The following CSMD1 variants were observed in gnomAD, a reference collection of about 807,000 sequenced individuals.
CSMD1 encodes CUB and Sushi multiple domains 1, also known as CUB and sushi domain-containing protein 1.
In CSMD1, 213 loss-of-function variants were observed where a neutral mutation model predicts 417.5. The observed-to-expected ratio is 0.51, with a 90% CI of 0.46 to 0.57. The LOEUF is 0.57. Among genes scored for constraint, CSMD1 ranks in the 20% least tolerant of loss-of-function variants. CSMD1 has a pLI of 0.00. For synonymous variants in CSMD1, 2,862 were observed against 1,736.8 expected (o/e 1.65, Z -16.11); for missense variants, 6,923 against 4,529.7 (o/e 1.53, Z -15.17).
chr8:3,912,484 C>A (rs1231783687), intron 5 of CSMD1, among the ~76,000 whole-genome samples: 1 of 152,098 alleles, frequency 6.6e-6, no homozygotes, highest in African/African-American at 2.4e-5. Context: ...TGCTCCTAGA[C>A]CCTCAAGTGA....
intron 5 of CSMD1, among the ~76,000 whole-genome samples, chr8:3,808,506 C>G (rs1315761967): frequency 6.6e-6 from 1 of 152,152 alleles, no homozygotes; most frequent in Non-Finnish European, 1.5e-5. Context: ...TGAAGAAAGA[C>G]TAAGAGCATG....
At chr8:3,090,036 G>A (rs1390375182) in intron 48 of CSMD1, among the ~76,000 whole-genome samples, 2 of 152,050 alleles carry the variant, frequency 1.3e-5, no homozygotes, top group South Asian at 2.1e-4. Context: ...ACTATCGGCC[G>A]GGCGCGGTGG....
At chr8:3,309,025 C>G (rs930858428) in intron 23 of CSMD1, among the ~76,000 whole-genome samples, 10 of 152,078 alleles carry the variant, frequency 6.6e-5, no homozygotes, top group African/African-American at 2.2e-4. Context: ...CGCCCGGCCC[C>G]TCAAGCTCTT....
intron 2 of CSMD1, among the ~76,000 whole-genome samples, chr8:4,451,633 A>G (rs1343584477): frequency 6.6e-6 from 1 of 152,200 alleles, no homozygotes; most frequent in Non-Finnish European, 1.5e-5. Flanking sequence ...AATCTACTAG[A>G]AGGTAATGTT....
chr8:3,956,683 A>C (rs913681655), intron 5 of CSMD1, among the ~76,000 whole-genome samples: 1 of 152,266 alleles, frequency 6.6e-6, no homozygotes, highest in East Asian at 1.9e-4. Flanking sequence ...TTACTACCCG[A>C]TGTGGCAGAA....
At chr8:3,711,573 T>C (rs1331018251) in intron 6 of CSMD1, among the ~76,000 whole-genome samples, 1 of 152,188 alleles carries the variant, frequency 6.6e-6, no homozygotes, top group Non-Finnish European at 1.5e-5. Context: ...CTTCTGCCTC[T>C]TCATGTGTGT....
At chr8:3,622,923 C>G (rs1046428840) in intron 7 of CSMD1, among the ~76,000 whole-genome samples, 2 of 152,154 alleles carry the variant, frequency 1.3e-5, no homozygotes, top group East Asian at 1.9e-4. Context: ...AGAGGAATTA[C>G]TGGGCTTAAT....
intron 3 of CSMD1, among the ~76,000 whole-genome samples, chr8:4,265,219 A>G (rs1047454843): frequency 6.6e-6 from 1 of 152,058 alleles, no homozygotes; most frequent in African/African-American, 2.4e-5. Context: ...AAAATTATTT[A>G]GTTACAAATT....
At chr8:3,342,940 T>C (rs1807756765) in intron 23 of CSMD1, among the ~76,000 whole-genome samples, 1 of 152,018 alleles carries the variant, frequency 6.6e-6, no homozygotes, top group Non-Finnish European at 1.5e-5. Context: ...TTACCTCCGG[T>C]TGTATCAAAC....
At chr8:4,744,101 A>C (rs1810799359) in intron 1 of CSMD1, among the ~76,000 whole-genome samples, 1 of 152,176 alleles carries the variant, frequency 6.6e-6, no homozygotes, top group South Asian at 2.1e-4. Context: ...AGCAGGAGCT[A>C]ATACAAAAGC....
chr8:4,553,196 CAT>C (rs1797946090), intron 2 of CSMD1, among the ~76,000 whole-genome samples: 1 of 152,198 alleles, frequency 6.6e-6, no homozygotes, highest in Non-Finnish European at 1.5e-5. Flanking sequence ...CCATGTTTCA[CAT>C]GTGTGTCTGT....
intron 5 of CSMD1, among the ~76,000 whole-genome samples, chr8:3,813,075 A>G (rs571027941): frequency 9.0e-4 from 134 of 148,754 alleles, no homozygotes; most frequent in Non-Finnish European, 1.5e-3. Context: ...TACCAAGAAA[A>G]TTCTATTTTA....
chr8:4,118,141 G>A (rs1802267959), intron 3 of CSMD1, among the ~76,000 whole-genome samples: 1 of 152,078 alleles, frequency 6.6e-6, no homozygotes, highest in Non-Finnish European at 1.5e-5. Flanking sequence ...ACGGCCCTTG[G>A]CAGACTCTCA....
chr8:3,372,255 GGACC>G (rs1810004171), intron 18 of CSMD1, among the ~76,000 whole-genome samples: 1 of 152,134 alleles, frequency 6.6e-6, no homozygotes, highest in Admixed American at 6.5e-5. Flanking sequence ...AAAGTGGTTA[GGACC>G]AGGGCTCAAG....
chr8:3,311,452 G>T (rs531857838), intron 23 of CSMD1, among the ~76,000 whole-genome samples: 21 of 148,642 alleles, frequency 1.4e-4, no homozygotes, highest in African/African-American at 5.0e-4. Context: ...GTTTCACCAC[G>T]TTGTCTAGGC....
intron 12 of CSMD1, among the ~76,000 whole-genome samples, chr8:3,459,457 A>C (rs190029149): frequency 3.9e-5 from 6 of 152,298 alleles, no homozygotes. Context: ...CCCTGACCTG[A>C]ATCTCCGTCT....
Position 4,344,404 on chromosome 8 carries a change from T to A in CSMD1, c.415+75549A>T, listed in dbSNP as rs1255465828. ...TCAAGCTCAGAGAGTACCTACTATC[T>A]TCTGTTGAGCAAAGGCAGGAATATT... On this transcript the variant is annotated intron_variant, in intron 3 of 69. Coordinates refer to ENST00000635120, the MANE Select transcript of CSMD1 (RefSeq NM_033225.6). Among the ~76,000 whole-genome samples, 3 of 152,074 alleles carry A rather than the reference T, an allele frequency of 2.0e-5. No individual in the cohort carries two copies. In the East Asian group the frequency reaches 5.8e-4, roughly 29 times the overall value.
At chr8:4,760,316 A>G (rs1811959044) in intron 1 of CSMD1, among the ~76,000 whole-genome samples, 1 of 152,202 alleles carries the variant, frequency 6.6e-6, no homozygotes. Flanking sequence ...AATCCTTATA[A>G]ACTTCTGTGC....
chr8:4,248,384 G>A lies in CSMD1; in HGVS notation c.415+171569C>T, dbSNP rs182517913. Among the ~76,000 whole-genome samples the A allele has an allele frequency of 1.6e-4, 25 of 152,268 alleles. 1 individual carries two copies. Among genetic ancestry groups the A allele is most frequent in the African/African-American group, 6.0e-4 (25 of 41,566 alleles). The stretch of plus-strand genomic sequence containing the variant: ...CTCATCCCTTGGTGAGTGCTGGTTT[G>A]CTGGTGAAACTATCATGGCGCTTAT... On this transcript the variant is annotated intron_variant, in intron 3 of 69. Transcript: ENST00000635120.
Sources: allele counts gnomAD v4.1 joint callset (sites outside exome capture counted in the v4.1 genomes callset), GRCh38; gene constraint gnomAD v4.1.1; transcripts MANE v1.5; gene names NCBI Gene and HGNC (gene_info 2026-07-23, HGNC 2026-07-21).